RBFOX1: variants seen among roughly 807,000 people sequenced by gnomAD.
The protein encoded by RBFOX1 is RNA binding protein fox-1 homolog 1.
Under a neutral mutation model 57.7 loss-of-function variants are expected in RBFOX1, and 8 were observed. That is an observed-to-expected ratio of 0.14 (90% CI 0.08 to 0.25). The LOEUF is 0.25. Ranked by LOEUF, RBFOX1 falls within the 10% of genes least tolerant of loss-of-function variation. The pLI, the probability that RBFOX1 is intolerant of heterozygous loss-of-function variation, is 1.00. For synonymous variants in RBFOX1, 326 were observed against 222.4 expected (o/e 1.47, Z -4.15); for missense variants, 611 against 548.5 (o/e 1.11, Z -1.14).
chr16:6,686,013 C>G (rs965831301), intron 3 of RBFOX1, among the ~76,000 whole-genome samples: 1 of 152,078 alleles, frequency 6.6e-6, no homozygotes, highest in Non-Finnish European at 1.5e-5. Context: ...AGAAAAAATA[C>G]TGCATATTGA....
chr16:6,485,826 T>C (rs909431194), intron 2 of RBFOX1, among the ~76,000 whole-genome samples: 1 of 152,188 alleles, frequency 6.6e-6, no homozygotes, highest in African/African-American at 2.4e-5. Context: ...TTCAAACTTC[T>C]GTTTTTCCTA....
chr16:7,043,501 G>A (rs891678467), intron 3 of RBFOX1, among the ~76,000 whole-genome samples: 8 of 152,146 alleles, frequency 5.3e-5, no homozygotes, highest in South Asian at 2.1e-4. Context: ...GGAGACGTGC[G>A]TTTATAGGAA....
At chr16:7,547,616 T>G (rs1395193608) in intron 5 of RBFOX1, among the ~76,000 whole-genome samples, 2 of 152,234 alleles carry the variant, frequency 1.3e-5, no homozygotes, top group Non-Finnish European at 2.9e-5. Context: ...GAATCAGGAT[T>G]GAGGCAGGCA....
At position 5,593,706 on chromosome 16, in the gene RBFOX1, G is replaced by C. The variant is rs141750616; in HGVS notation, c.259-5196G>C. Among the ~76,000 whole-genome samples the C allele has an allele frequency of 4.8e-3, 731 of 152,270 alleles. 5 individuals carry two copies. Among genetic ancestry groups the C allele is most frequent in the Middle Eastern group, 0.01 (3 of 294 alleles). ...ATGAATAATCCATCCCTTGTTTTGC[G>C]TATCAAGAAATAACCATAAAAATGG... On this transcript the variant is annotated intron_variant, in intron 2 of 2. Coordinates refer to the RBFOX1 transcript ENST00000585867.
intron 4 of RBFOX1, among the ~76,000 whole-genome samples, chr16:7,382,019 G>A (rs902557980): frequency 6.6e-6 from 1 of 152,330 alleles, no homozygotes; most frequent in Middle Eastern, 3.4e-3. Flanking sequence ...TTCTTAAGTT[G>A]TCTGAAGGAT....
chr16:5,794,531 G>T (rs542046702), intron 3 of RBFOX1, among the ~76,000 whole-genome samples: 1 of 151,298 alleles, frequency 6.6e-6, no homozygotes, highest in Admixed American at 6.6e-5. Context: ...TGTGTGTGTG[G>T]TGTGTGCAGC....
intron 5 of RBFOX1, among the ~76,000 whole-genome samples, chr16:7,529,098 A>G (rs989625439): frequency 5.9e-5 from 9 of 152,124 alleles, no homozygotes; most frequent in African/African-American, 2.2e-4. Context: ...GTCTCGACAC[A>G]AAAAGTACAA....
chr16:6,016,365 G>A (rs770486780), upstream of RBFOX1, among the ~76,000 whole-genome samples: 1 of 152,168 alleles, frequency 6.6e-6, no homozygotes, highest in Admixed American at 6.5e-5. Flanking sequence ...GTATGTAAGG[G>A]TATTCCTGGT....
intron 4 of RBFOX1, among the ~76,000 whole-genome samples, chr16:7,078,657 TTTTTA>T (rs1263241179): frequency 3.4e-4 from 52 of 151,042 alleles, no homozygotes; most frequent in Non-Finnish European, 5.9e-4. Flanking sequence ...CCGACCCTAT[TTTTTA>T]TTTTATCTTA....
intron 2 of RBFOX1, among the ~76,000 whole-genome samples, chr16:5,525,378 G>A (rs1430951306): frequency 6.6e-6 from 1 of 151,772 alleles, no homozygotes; most frequent in Non-Finnish European, 1.5e-5. Flanking sequence ...TTATTACTCT[G>A]ACTTTATAGT....
intron 4 of RBFOX1, among the ~76,000 whole-genome samples, chr16:7,249,803 C>G (rs2094442172): frequency 6.6e-6 from 1 of 151,818 alleles, no homozygotes; most frequent in Non-Finnish European, 1.5e-5. Flanking sequence ...ACACCCAGGA[C>G]TTTCTGGAGT....
intron 2 of RBFOX1, among the ~76,000 whole-genome samples, chr16:6,496,576 G>A (rs1039285428): frequency 2.0e-5 from 3 of 152,254 alleles, no homozygotes; most frequent in Admixed American, 2.0e-4. Flanking sequence ...GCATTACATT[G>A]CCCCTCGTCG....
chr16:6,677,107 C>G (rs1423941139), intron 3 of RBFOX1, among the ~76,000 whole-genome samples: 2 of 152,052 alleles, frequency 1.3e-5, no homozygotes, highest in East Asian at 1.9e-4. Context: ...TTTAATCTGC[C>G]TATTTAAAAA....
At chr16:6,224,887 T>G (rs925059276) in intron 1 of RBFOX1, among the ~76,000 whole-genome samples, 1 of 151,850 alleles carries the variant, frequency 6.6e-6, no homozygotes, top group Non-Finnish European at 1.5e-5. Flanking sequence ...GGTGTGGTGG[T>G]GGGCACCTGT....
At chr16:7,259,410 TTTTTTTTTAATGA>T (rs1352527540) in intron 4 of RBFOX1, among the ~76,000 whole-genome samples, 4 of 150,938 alleles carry the variant, frequency 2.7e-5, no homozygotes, top group African/African-American at 9.7e-5. Flanking sequence ...GGGCAGGAAC[TTTTTTTTTAATGA>T]GTGAGACCCC....
chr16:7,375,115 A>G (rs193181472), intron 4 of RBFOX1, among the ~76,000 whole-genome samples: 17 of 152,336 alleles, frequency 1.1e-4, no homozygotes, highest in Admixed American at 5.9e-4. Flanking sequence ...TATGCTAGCC[A>G]TTACGCATTA....
At chr16:6,018,268 C>T (rs895752108), upstream of RBFOX1, among the ~76,000 whole-genome samples, 1 of 151,730 alleles carries the variant, frequency 6.6e-6, no homozygotes, top group African/African-American at 2.4e-5. Flanking sequence ...TCACTCCAGT[C>T]CAGAGTGGGA....
intron 3 of RBFOX1, among the ~76,000 whole-genome samples, chr16:6,884,544 C>A (rs1315275947): frequency 1.3e-5 from 2 of 152,238 alleles, no homozygotes; most frequent in African/African-American, 2.4e-5. Context: ...TCATCTGTTA[C>A]ATTATCATAA....
At chr16:5,787,672 G>A (rs1420936947) in intron 3 of RBFOX1, among the ~76,000 whole-genome samples, 1 of 152,190 alleles carries the variant, frequency 6.6e-6, no homozygotes, top group African/African-American at 2.4e-5. Flanking sequence ...TCGCAGAGAG[G>A]GTTTGGCAGC....
Sources: allele counts gnomAD v4.1 joint callset (sites outside exome capture counted in the v4.1 genomes callset), GRCh38; gene constraint gnomAD v4.1.1; transcripts MANE v1.5; gene names NCBI Gene and HGNC (gene_info 2026-07-23, HGNC 2026-07-21).